CDA: variants seen among roughly 807,000 people sequenced by gnomAD.
The protein encoded by CDA is cytidine deaminase, also known as cytidine aminohydrolase.
A neutral mutation model predicts 15.0 loss-of-function variants in CDA; 7 were observed. The observed-to-expected ratio is 0.47, with a 90% CI of 0.26 to 0.87. CDA has a LOEUF of 0.87. Ranked by LOEUF, CDA falls within the 40% of genes least tolerant of loss-of-function variation. The pLI, the probability that CDA is intolerant of heterozygous loss-of-function variation, is 0.15. For synonymous variants in CDA, 58 were observed against 73.0 expected (o/e 0.79, Z 1.05); for missense variants, 159 against 182.7 (o/e 0.87, Z 0.75).
In CDA at chr1:20,618,797, T is replaced by G; in HGVS notation, c.*229T>G. The G allele has an allele frequency of 1.9e-6, 1 of 528,364 alleles. No homozygotes were observed. Among genetic ancestry groups the G allele is most frequent in the South Asian group, 1.9e-5 (1 of 51,592 alleles). The allele number at this position is 528,364 out of a possible 1,614,324, so 32.7% of individuals were successfully genotyped here. ...CCTTTCCTTTCCTTCCTGTGGGCCC[T>G]CTTTCAAAGTCCAGCCTAGTCTGGA... On this transcript the variant is annotated 3_prime_UTR_variant, in exon 4 of 4. Coordinates refer to ENST00000375071, the MANE Select transcript of CDA (RefSeq NM_001785.3).
intron 1 of CDA, among the ~76,000 whole-genome samples, chr1:20,592,664 C>T (rs1204907205): frequency 6.6e-6 from 1 of 152,222 alleles, no homozygotes; most frequent in Admixed American, 6.5e-5. Context: ...CCTGGCCTAT[C>T]ACTGGGCCTC....
At chr1:20,611,441 C>CCTA (rs1328448614) in intron 2 of CDA, among the ~76,000 whole-genome samples, 22 of 152,182 alleles carry the variant, frequency 1.4e-4, no homozygotes, top group Non-Finnish European at 2.1e-4. Flanking sequence ...AGTGCAGTGG[C>CCTA]ACCATCTCGG....
At chr1:20,592,353 C>A (rs2052556848) in intron 1 of CDA, among the ~76,000 whole-genome samples, 1 of 152,186 alleles carries the variant, frequency 6.6e-6, no homozygotes, top group South Asian at 2.1e-4. Context: ...AGCGCATTTT[C>A]TGCCTCGTAA....
chr1:20,589,270 G>T lies in CDA; in HGVS notation c.141G>T (p.Gly47=), dbSNP rs889287619. 1.2e-6 allele frequency: 2 copies of T among 1,613,890 alleles called. No homozygotes were observed. The highest frequency in any genetic ancestry group is 1.7e-6 in the Non-Finnish European group (2 of 1,180,006). Residue 47 remains glycine (G), a synonymous_variant, in exon 1 of 4, where the codon GGG becomes GGT. Transcript: ENST00000375071. The part of the protein sequence containing the change: ...PVGAALLTQE[G]RIFKGCNIEN... ...GGGCTGCCCTGCTCACCCAGGAGGG[G>T]AGAATCTTCAAAGGTAAAGGTGGGC...
At chr1:20,614,888 G>A (rs2052787464) in intron 3 of CDA, among the ~76,000 whole-genome samples, 1 of 151,786 alleles carries the variant, frequency 6.6e-6, no homozygotes. Context: ...TTGAGACGGA[G>A]TCTCACTCTG....
In CDA at chr1:20,589,160, A is replaced by C. The variant is rs1366137992; in HGVS notation, c.31A>C (p.Lys11Gln). The C allele has an allele frequency of 1.2e-6, 2 of 1,614,002 alleles. No individual in the cohort carries two copies. The highest frequency in any genetic ancestry group is 1.7e-6 in the Non-Finnish European group (2 of 1,180,022). Residue 11 changes from lysine (K) to glutamine (Q), a missense_variant, in exon 1 of 4, where the codon AAG becomes CAG. Transcript: ENST00000375071. ...CCAGAAGCGTCCTGCCTGCACCCTG[A>C]AGCCTGAGTGTGTCCAGCAGCTGCT... The part of the protein sequence containing the change: MAQKRPACTL[K>Q]PECVQQLLVC...
chr1:20,602,709 C>A (rs2052657160), intron 1 of CDA, among the ~76,000 whole-genome samples: 1 of 152,242 alleles, frequency 6.6e-6, no homozygotes, highest in Admixed American at 6.5e-5. Flanking sequence ...CTTGAGCCAC[C>A]ATGCCCAGCC....
At chr1:20,600,747 C>A (rs528714986) in intron 1 of CDA, among the ~76,000 whole-genome samples, 2 of 98,560 alleles carry the variant, frequency 2.0e-5, no homozygotes, top group African/African-American at 7.6e-5. Flanking sequence ...GAGTGAGACT[C>A]TGTCTCAAAA....
intron 3 of CDA, among the ~76,000 whole-genome samples, chr1:20,616,970 G>T (rs1358455428): frequency 1.3e-5 from 2 of 152,126 alleles, no homozygotes; most frequent in Non-Finnish European, 2.9e-5. Context: ...AATAAGAATG[G>T]CATCTATTAA....
rs35637551 is a variant in CDA at position 20,612,942 on chromosome 1, C to CA, written c.267-880dup. Among the ~76,000 whole-genome samples the CA allele has an allele frequency of 6.4e-3, 547 of 84,930 alleles. 18 individuals are homozygous for CA. The highest frequency in any genetic ancestry group is 0.02 in the African/African-American group (442 of 21,926). The allele number at this position is 84,930 out of a possible 152,430, so 55.7% of individuals were successfully genotyped here. ...TGGGTAACAGAGCGAGACTCCATCT[C>CA]AAAAAAAAAAAAAAAAAAAAGCCTG... On this transcript the variant is annotated intron_variant, in intron 2 of 3. Transcript: ENST00000375071.
chr1:20,608,334 A>C (rs556985281), intron 2 of CDA, among the ~76,000 whole-genome samples: 1 of 143,020 alleles, frequency 7.0e-6, no homozygotes, highest in East Asian at 2.1e-4. Context: ...CAGGGTCTTA[A>C]GAAACGATTT....
At chr1:20,610,592 A>G (rs2052740947) in intron 2 of CDA, among the ~76,000 whole-genome samples, 1 of 152,098 alleles carries the variant, frequency 6.6e-6, no homozygotes, top group Non-Finnish European at 1.5e-5. Flanking sequence ...GGCACACATT[A>G]TCTTAATAAC....
chr1:20,600,101 C>G (rs138105875), intron 1 of CDA, among the ~76,000 whole-genome samples: 2 of 152,298 alleles, frequency 1.3e-5, no homozygotes, highest in East Asian at 3.9e-4. Context: ...ATTAACTGGC[C>G]TATTACATGT....
At chr1:20,596,981 C>G (rs1303324590) in intron 1 of CDA, among the ~76,000 whole-genome samples, 3 of 152,026 alleles carry the variant, frequency 2.0e-5, no homozygotes, top group Non-Finnish European at 4.4e-5. Flanking sequence ...AGGCTAGTCT[C>G]GAACTCCTGG....
chr1:20,611,427 CTGGAGTGCAGTGG>C (rs1321884268), intron 2 of CDA, among the ~76,000 whole-genome samples: 22 of 152,234 alleles, frequency 1.4e-4, no homozygotes, highest in Non-Finnish European at 2.1e-4. Context: ...TGTCACCAGG[CTGGAGTGCAGTGG>C]CACCATCTCG....
At chr1:20,615,588 G>A (rs2052794617) in intron 3 of CDA, among the ~76,000 whole-genome samples, 1 of 152,142 alleles carries the variant, frequency 6.6e-6, no homozygotes, top group African/African-American at 2.4e-5. Flanking sequence ...GTACGTTTGG[G>A]GAAAGGGGAA....
chr1:20,610,222 G>A (rs1481487176), intron 2 of CDA, among the ~76,000 whole-genome samples: 1 of 149,786 alleles, frequency 6.7e-6, no homozygotes, highest in African/African-American at 2.5e-5. Flanking sequence ...CATATAAAAT[G>A]CTTTGCAGAA....
chr1:20,595,109 G>C, intron 1 of CDA, among the ~76,000 whole-genome samples: 1 of 152,326 alleles, frequency 6.6e-6, no homozygotes, highest in East Asian at 1.9e-4. Context: ...CAAGGGATGG[G>C]AGGGTTTATC....
chr1:20,591,354 C>G (rs556127111), intron 1 of CDA, among the ~76,000 whole-genome samples: 1 of 150,382 alleles, frequency 6.6e-6, no homozygotes, highest in Non-Finnish European at 1.5e-5. Context: ...AACAAACAAA[C>G]AAAAAAAAAC....
Sources: allele counts gnomAD v4.1 joint callset (sites outside exome capture counted in the v4.1 genomes callset), GRCh38; gene constraint gnomAD v4.1.1; transcripts MANE v1.5; gene names NCBI Gene and HGNC (gene_info 2026-07-23, HGNC 2026-07-21).